The following CCDC181 variants were observed in gnomAD, a reference collection of about 807,000 sequenced individuals.
The protein encoded by CCDC181 is coiled-coil domain containing 181, also known as coiled-coil domain-containing protein 181.
In CCDC181, 35 loss-of-function variants were observed where a neutral mutation model predicts 58.7. The observed-to-expected ratio is 0.60, with a 90% CI of 0.46 to 0.79. CCDC181 has a LOEUF of 0.79. CCDC181 is among the 30% of genes least tolerant of loss of function. The pLI, the probability that CCDC181 is intolerant of heterozygous loss-of-function variation, is 0.00. For missense variants in CCDC181, 517 were observed against 583.9 expected, an observed-to-expected ratio of 0.89 and a Z score of 1.18; for synonymous variants, 183 against 197.5, an observed-to-expected ratio of 0.93 and a Z score of 0.62.
chr1:169,453,442 C>G (rs1483368064), intron 2 of CCDC181, among the ~76,000 whole-genome samples: 2 of 152,018 alleles, frequency 1.3e-5, no homozygotes, highest in Non-Finnish European at 2.9e-5. Flanking sequence ...TTCATACAAC[C>G]CTTTCCTAGT....
chr1:169,406,920 A>G (rs1047589278), intron 4 of CCDC181, among the ~76,000 whole-genome samples: 7 of 152,142 alleles, frequency 4.6e-5, no homozygotes, highest in African/African-American at 1.7e-4. Flanking sequence ...CTCAAGATGG[A>G]TCAATAGAAA....
At chr1:169,397,918 T>G (rs572655605) in intron 4 of CCDC181, among the ~76,000 whole-genome samples, 1 of 152,288 alleles carries the variant, frequency 6.6e-6, no homozygotes, top group East Asian at 1.9e-4. Flanking sequence ...ATTTAATACT[T>G]CCCCCAAATA....
At chr1:169,446,556 A>G (rs533481889) in intron 2 of CCDC181, among the ~76,000 whole-genome samples, 138 of 152,338 alleles carry the variant, frequency 9.1e-4, no homozygotes, top group African/African-American at 3.2e-3. Context: ...TCATCCCTCC[A>G]TATACCCATG....
At chr1:169,427,091 A>C (rs1416872267) in intron 1 of CCDC181, among the ~76,000 whole-genome samples, 197 bp downstream of exon 1, 2 of 152,162 alleles carry the variant, frequency 1.3e-5, no homozygotes, top group Non-Finnish European at 2.9e-5. Flanking sequence ...TAGTGAAGAA[A>C]GGTGTTACCA....
chr1:169,429,407 A>G (rs940998848), upstream of CCDC181, among the ~76,000 whole-genome samples: 1 of 152,188 alleles, frequency 6.6e-6, no homozygotes, highest in African/African-American at 2.4e-5. Context: ...GTACTAGTTT[A>G]CATTCCCATC....
intron 2 of CCDC181, among the ~76,000 whole-genome samples, chr1:169,457,727 T>C (rs1485374580): frequency 3.9e-5 from 6 of 152,164 alleles, no homozygotes; most frequent in African/African-American, 1.4e-4. Context: ...TTGAGCTTTT[T>C]AAAGTGTTTT....
In CCDC181 at chr1:169,418,028, A is replaced by AC; in HGVS notation, c.1215+984dup. ...TTCACTCTCACACACCGTTGGAGGAACAGGTATAACATTTACTCTCACACA... is the reference window on the plus strand; with the variant it reads ...TTCACTCTCACACACCGTTGGAGGAACCAGGTATAACATTTACTCTCACACA... On this transcript the variant is annotated intron_variant, in intron 4 of 5. Transcript: ENST00000367806. 2.0e-5 allele frequency among the ~76,000 whole-genome samples: 3 copies of AC among 152,336 alleles called. No individual in the cohort carries two copies. In the Middle Eastern group the frequency reaches 0.01, roughly 518 times the overall value.
At chr1:169,411,522 T>A (rs1453150517) in intron 4 of CCDC181, among the ~76,000 whole-genome samples, 1 of 152,144 alleles carries the variant, frequency 6.6e-6, no homozygotes, top group Admixed American at 6.5e-5. Context: ...GAGGGACTCC[T>A]ACCTAACTTA....
intron 4 of CCDC181, among the ~76,000 whole-genome samples, chr1:169,418,430 C>T (rs7534851): frequency 0.029 from 4,468 of 151,836 alleles, 186 homozygotes; most frequent in African/African-American, 0.1. Flanking sequence ...ATTTGCACCA[C>T]GCTGTTAAAA....
chr1:169,418,734 C>A, intron 4 of CCDC181: 1 of 437,806 alleles, frequency 2.3e-6, no homozygotes, highest in Non-Finnish European at 4.0e-6. Flanking sequence ...GTATCTTTGC[C>A]CTGTTTGAAT....
upstream of CCDC181, among the ~76,000 whole-genome samples, chr1:169,430,887 A>G (rs1299173920): frequency 6.6e-6 from 1 of 152,138 alleles, no homozygotes; most frequent in Non-Finnish European, 1.5e-5. Flanking sequence ...GTGGCCCGCA[A>G]TCAGTCTGAT....
At chr1:169,418,831 T>G in intron 4 of CCDC181, 182 bp downstream of exon 4, 1 of 522,502 alleles carries the variant, frequency 1.9e-6, no homozygotes, top group Non-Finnish European at 3.4e-6. Context: ...TCATTTTATT[T>G]TCACAAGACC....
At chr1:169,421,234 C>G (rs551939061) in intron 3 of CCDC181, 129 bp downstream of exon 3, 1 of 697,868 alleles carries the variant, frequency 1.4e-6, no homozygotes, top group African/African-American at 1.8e-5. Flanking sequence ...CTTAATCAAT[C>G]TAACAATAGA....
chr1:169,441,507 T>C (rs932971017), intron 2 of CCDC181, among the ~76,000 whole-genome samples: 8 of 152,094 alleles, frequency 5.3e-5, no homozygotes, highest in Non-Finnish European at 7.4e-5. Context: ...ACAGCAGTTC[T>C]AGGTACCCTC....
intron 1 of CCDC181, among the ~76,000 whole-genome samples, 190 bp from the exon 2 acceptor site, chr1:169,425,140 T>G (rs933262658): frequency 6.6e-6 from 1 of 151,992 alleles, no homozygotes; most frequent in Admixed American, 6.6e-5. Flanking sequence ...AGGTAAACAT[T>G]CCTAAAAACT....
At chr1:169,447,535 G>C (rs1657410466) in intron 2 of CCDC181, among the ~76,000 whole-genome samples, 3 of 152,126 alleles carry the variant, frequency 2.0e-5, no homozygotes, top group African/African-American at 7.2e-5. Flanking sequence ...ATTACATCAA[G>C]TTCATCTAGA....
chr1:169,424,772 T>C, intron 2 of CCDC181, 39 bp downstream of exon 2: 1 of 1,118,400 alleles, frequency 8.9e-7, no homozygotes, highest in Non-Finnish European at 1.3e-6. Context: ...CAAAGCACTT[T>C]GTAATATAAT....
chr1:169,458,188 TGTTTTG>T (rs1557884479), intron 2 of CCDC181, among the ~76,000 whole-genome samples: 8 of 130,396 alleles, frequency 6.1e-5, no homozygotes, highest in South Asian at 2.3e-4. Context: ...TTTTTTTTTT[TGTTTTG>T]TTTTTTTTGC....
intron 2 of CCDC181, among the ~76,000 whole-genome samples, chr1:169,445,366 T>C (rs1657346157): frequency 8.4e-6 from 1 of 118,916 alleles, no homozygotes; most frequent in Non-Finnish European, 1.8e-5. Context: ...TTGGGTTTTG[T>C]CAAATGCTTT....
Sources: gnomAD v4.1 joint callset for allele counts (sites outside exome capture counted in the v4.1 genomes callset) on GRCh38, gnomAD v4.1.1 for gene constraint, MANE v1.5 for transcripts, NCBI Gene and HGNC (gene_info 2026-07-23, HGNC 2026-07-21) for gene names.